FAN1: variants seen among roughly 807,000 people sequenced by gnomAD.
FAN1 encodes the protein FANCD2 and FANCI associated nuclease 1, also known as fanconi-associated nuclease 1.
FAN1 carries 91 observed loss-of-function variants against 104.9 expected under a neutral mutation model. The ratio of observed to expected loss-of-function variants is 0.87; its 90% confidence interval spans 0.73 to 1.03. The LOEUF (loss-of-function observed/expected upper bound fraction) is 1.03, where lower values mean the gene tolerates loss of function less well. Ranked by LOEUF, FAN1 falls within the 50% of genes least tolerant of loss-of-function variation. The probability of loss-of-function intolerance (pLI) is 0.00; values close to 1 mark genes in which losing one functional copy is unlikely to be tolerated. For synonymous variants in FAN1, 478 were observed against 457.6 expected (o/e 1.04, Z -0.57); for missense variants, 1,263 against 1,239.9 (o/e 1.02, Z -0.28).
chr15:30,938,048 G>A (rs1016877412), intron 14 of FAN1, among the ~76,000 whole-genome samples: 1 of 151,914 alleles, frequency 6.6e-6, no homozygotes, highest in African/African-American at 2.4e-5. Context: ...GGTGGGCTTG[G>A]TGGCACACGC....
At chr15:30,928,716 C>T in intron 11 of FAN1, 60 bp downstream of exon 11, 1 of 1,608,166 alleles carries the variant, frequency 6.2e-7, no homozygotes, top group Non-Finnish European at 8.5e-7. Flanking sequence ...GGCTCACGCC[C>T]ACCTGGGCAC....
intron 13 of FAN1, among the ~76,000 whole-genome samples, chr15:30,932,741 T>G: frequency 7.1e-6 from 1 of 141,072 alleles, no homozygotes; most frequent in Non-Finnish European, 1.5e-5. Context: ...TGAGATGGAG[T>G]CTCGCTCTGT....
chr15:30,933,051 G>C (rs559882841), intron 13 of FAN1, among the ~76,000 whole-genome samples: 1 of 152,112 alleles, frequency 6.6e-6, no homozygotes, highest in East Asian at 1.9e-4. Context: ...AATATCTGTA[G>C]AATCTTTATC....
At chr15:30,907,070 T>C (rs867032094) in intron 2 of FAN1, among the ~76,000 whole-genome samples, 1 of 145,592 alleles carries the variant, frequency 6.9e-6, no homozygotes, top group Non-Finnish European at 1.5e-5. Flanking sequence ...GTTTTTGCCT[T>C]TTTTTTTTTT....
intron 14 of FAN1, chr15:30,940,303 G>GCAAA (rs1347850629): frequency 1.7e-5 from 17 of 985,284 alleles, no homozygotes; most frequent in Non-Finnish European, 2.0e-5. Flanking sequence ...TTCAGATCAA[G>GCAAA]CAAACAACTG....
chr15:30,909,408 C>T (rs1370575595), intron 3 of FAN1, among the ~76,000 whole-genome samples: 1 of 152,200 alleles, frequency 6.6e-6, no homozygotes, highest in African/African-American at 2.4e-5. Flanking sequence ...GGACCCTCTG[C>T]AGAGCAGCGC....
intron 14 of FAN1, chr15:30,940,953 G>A: frequency 1.8e-6 from 2 of 1,095,344 alleles, no homozygotes; most frequent in Non-Finnish European, 2.2e-6. Context: ...CAAAGAAGGT[G>A]ATCTAAAATC....
intron 6 of FAN1, 109 bp from the exon 7 acceptor site, chr15:30,920,436 A>T: frequency 1.3e-6 from 1 of 747,292 alleles, no homozygotes. Flanking sequence ...AAGTATTTAG[A>T]ATATACCTTT....
At position 30,928,586 on chromosome 15, in the gene FAN1, T is replaced by C. The variant is rs574727900; in HGVS notation, c.2522T>C (p.Leu841Pro). Residue 841 changes from leucine to proline, a missense_variant, in exon 11 of 15, where the codon CTG becomes CCG. Leu to Pro is a moderately conservative substitution (Grantham distance 98). Around this residue, in one of 2 missense-constraint regions of FAN1, gnomAD observed 581 missense variants for 668.8 expected, o/e 0.87. Transcript: ENST00000362065. ...IHGEGSTFST[L>P]YGLLLWDIIF... ...GGCGAAGGGTCCACCTTCAGCACCC[T>C]GTATGGCCTCCTCCTGTGGGACATC... 6.2e-7 allele frequency: 1 copy of C among 1,612,810 alleles called. No homozygotes were observed. The highest frequency in any genetic ancestry group is 1.1e-5 in the South Asian group (1 of 91,010).
intron 5 of FAN1, among the ~76,000 whole-genome samples, chr15:30,917,442 A>G (rs745374909): frequency 1.3e-5 from 2 of 152,118 alleles, no homozygotes; most frequent in Non-Finnish European, 2.9e-5. Flanking sequence ...GAGATCTAAG[A>G]ATTTGTGAGC....
rs950930017 is a variant in FAN1 at position 30,942,694 on chromosome 15, T to C, written c.*1132T>C. On this transcript the variant is annotated 3_prime_UTR_variant, in exon 15 of 15. Transcript: ENST00000362065. ...CTGCAATCTGCCCACTCTCAGGTACTGAGACTTTGTGGGCCTCAGACACCA... is the reference window on the plus strand; with the variant it reads ...CTGCAATCTGCCCACTCTCAGGTACCGAGACTTTGTGGGCCTCAGACACCA... 26 of 564,730 alleles carry C rather than the reference T, an allele frequency of 4.6e-5. No homozygotes were observed. The highest frequency in any genetic ancestry group is 7.2e-5 in the Non-Finnish European group (24 of 334,034). 35.0% of individuals were successfully genotyped at this position (564,730 alleles called of 1,614,324 possible). A position where few individuals can be genotyped will look rare whatever the true frequency, so the allele number is the denominator to read the frequency against.
intron 4 of FAN1, 98 bp from the exon 5 acceptor site, chr15:30,913,760 A>T: frequency 2.5e-6 from 2 of 807,692 alleles, no homozygotes; most frequent in Non-Finnish European, 3.9e-6. Flanking sequence ...AAAATAGTGA[A>T]TGTCATTTCT....
chr15:30,904,937 G>T lies in FAN1; in HGVS notation c.274G>T (p.Val92Phe). The change falls in exon 2 of 15, where the codon GTT becomes TTT. Residue 92 changes from valine to phenylalanine, a missense_variant. Val to Phe is a conservative substitution (Grantham distance 50, BLOSUM62 -1). Transcript: ENST00000362065. ...TGTGTCTATGGTAGATTTAACCAGT[G>T]TTACCTTAGAAGATGTAACACCTAA... ...SNVSMVDLTSVTLEDVTPKKS... is the reference protein window; with the variant it reads ...SNVSMVDLTSFTLEDVTPKKS... 1 of 1,613,980 alleles carries T rather than the reference G, an allele frequency of 6.2e-7. No individual in the cohort carries two copies. Among genetic ancestry groups the T allele is most frequent in the Non-Finnish European group, 8.5e-7 (1 of 1,180,022 alleles).
chr15:30,924,448 C>T (rs1172733396), intron 8 of FAN1, among the ~76,000 whole-genome samples: 2 of 152,184 alleles, frequency 1.3e-5, no homozygotes, highest in Non-Finnish European at 2.9e-5. Flanking sequence ...CACATTCCCA[C>T]CAGCAATGCG....
chr15:30,915,197 A>T (rs903097737), intron 5 of FAN1, among the ~76,000 whole-genome samples: 1 of 152,218 alleles, frequency 6.6e-6, no homozygotes, highest in Non-Finnish European at 1.5e-5. Context: ...GAAATAAGCC[A>T]GGCACAGAAA....
intron 13 of FAN1, among the ~76,000 whole-genome samples, chr15:30,935,533 A>G (rs191413278): frequency 6.6e-6 from 1 of 152,326 alleles, no homozygotes; most frequent in East Asian, 1.9e-4. Flanking sequence ...TATATTAGGT[A>G]TTATAAGTAG....
At chr15:30,914,757 G>A (rs917817461) in intron 5 of FAN1, among the ~76,000 whole-genome samples, 1 of 152,134 alleles carries the variant, frequency 6.6e-6, no homozygotes, top group African/African-American at 2.4e-5. Context: ...TTTCTTATTA[G>A]TAACACTTTA....
intron 13 of FAN1, among the ~76,000 whole-genome samples, chr15:30,931,474 G>C (rs1391208427): frequency 6.6e-6 from 1 of 152,158 alleles, no homozygotes. Flanking sequence ...CATGCTTTTG[G>C]TGTCACATGT....
At chr15:30,925,712 C>A in intron 9 of FAN1, 77 bp from the exon 10 acceptor site, 1 of 1,528,490 alleles carries the variant, frequency 6.5e-7, no homozygotes, top group Non-Finnish European at 8.9e-7. Context: ...GAGGTCAATC[C>A]TCACGATGCT....
Sources: gnomAD v4.1 joint callset for allele counts (sites outside exome capture counted in the v4.1 genomes callset) on GRCh38, gnomAD v4.1.1 for gene constraint, gnomAD v4.1.1 regional missense constraint, MANE v1.5 for transcripts, NCBI Gene and HGNC (gene_info 2026-07-23, HGNC 2026-07-21) for gene names.